The following TMPRSS7 variants were observed in gnomAD, a reference collection of about 807,000 sequenced individuals.
TMPRSS7 encodes the protein transmembrane serine protease 7.
TMPRSS7 carries 81 observed loss-of-function variants against 95.6 expected under a neutral mutation model. The observed-to-expected ratio is 0.85, with a 90% CI of 0.71 to 1.02. The LOEUF (loss-of-function observed/expected upper bound fraction) is 1.02. Ranked by LOEUF, TMPRSS7 falls within the 50% of genes least tolerant of loss-of-function variation. TMPRSS7 has a pLI of 0.00. For missense variants in TMPRSS7, 945 were observed against 955.2 expected (o/e 0.99, Z 0.14); for synonymous variants, 364 against 337.8 (o/e 1.08, Z -0.85).
chr3:112,069,175 A>G (rs1486691623), intron 13 of TMPRSS7, among the ~76,000 whole-genome samples: 1 of 152,194 alleles, frequency 6.6e-6, no homozygotes, highest in African/African-American at 2.4e-5. Flanking sequence ...GATGAAGCCC[A>G]CTTGATCATG....
At chr3:112,051,230 A>G (rs1403659225) in intron 9 of TMPRSS7, among the ~76,000 whole-genome samples, 1 of 152,196 alleles carries the variant, frequency 6.6e-6, no homozygotes, top group Non-Finnish European at 1.5e-5. Context: ...GACACAATAA[A>G]ATACAACAAT....
At chr3:112,063,358 T>C (rs2073536212) in intron 11 of TMPRSS7, among the ~76,000 whole-genome samples, 167 bp from the exon 12 acceptor site, 1 of 152,240 alleles carries the variant, frequency 6.6e-6, no homozygotes, top group South Asian at 2.1e-4. Context: ...TTCCGCTTTT[T>C]TGTCTTTCAA....
At chr3:112,076,818 G>T in intron 15 of TMPRSS7, 58 bp from the exon 16 acceptor site, 1 of 1,572,876 alleles carries the variant, frequency 6.4e-7, no homozygotes, top group Non-Finnish European at 8.6e-7. Flanking sequence ...GTGCTTGTTT[G>T]CAAACTGTAT....
intron 13 of TMPRSS7, among the ~76,000 whole-genome samples, chr3:112,066,849 A>G (rs370519522): frequency 2.0e-5 from 3 of 151,822 alleles, no homozygotes; most frequent in Admixed American, 6.6e-5. Context: ...AAATTATTAT[A>G]CTTTAATTCT....
intron 8 of TMPRSS7, 33 bp downstream of exon 8, chr3:112,050,007 T>C (rs757782782): frequency 3.2e-5 from 48 of 1,512,242 alleles, no homozygotes; most frequent in Non-Finnish European, 4.2e-5. Flanking sequence ...GAAGTCACTT[T>C]TAGAAATATT....
intron 2 of TMPRSS7, among the ~76,000 whole-genome samples, chr3:112,040,683 G>A (rs1349930021): frequency 6.6e-6 from 1 of 152,182 alleles, no homozygotes; most frequent in African/African-American, 2.4e-5. Context: ...TAAAGTTTTA[G>A]AACATCCTTG....
At chr3:112,046,043 A>T in intron 5 of TMPRSS7, 100 bp downstream of exon 5, 1 of 1,027,824 alleles carries the variant, frequency 9.7e-7, no homozygotes, top group East Asian at 2.6e-5. Context: ...ACAATGTGGG[A>T]TTACCCCACA....
At chr3:112,057,872 C>T (rs1034699207) in intron 10 of TMPRSS7, among the ~76,000 whole-genome samples, 15 of 151,992 alleles carry the variant, frequency 9.9e-5, no homozygotes, top group African/African-American at 3.4e-4. Flanking sequence ...ACTACAGGCA[C>T]GCACCACCAT....
chr3:112,064,999 G>A (rs925507894), intron 12 of TMPRSS7, among the ~76,000 whole-genome samples: 1 of 152,136 alleles, frequency 6.6e-6, no homozygotes, highest in Admixed American at 6.5e-5. Context: ...ATATCTAACA[G>A]TGAAAATTAT....
intron 13 of TMPRSS7, among the ~76,000 whole-genome samples, chr3:112,067,060 A>G (rs941070567): frequency 5.3e-5 from 8 of 152,126 alleles, no homozygotes; most frequent in African/African-American, 4.8e-5. Flanking sequence ...ATTCCCACCT[A>G]TAAGTGAGAA....
chr3:112,051,625 CATCTATCTATCTATCT>C (rs10546402), intron 9 of TMPRSS7, among the ~76,000 whole-genome samples: 7 of 142,456 alleles, frequency 4.9e-5, no homozygotes, highest in African/African-American at 1.3e-4. Context: ...CTATCTCTAT[CATCTATCTATCTATCT>C]ATCTATCTAT....
At chr3:112,061,733 A>C in intron 10 of TMPRSS7, 54 bp from the exon 11 acceptor site, 1 of 1,538,702 alleles carries the variant, frequency 6.5e-7, no homozygotes, top group Admixed American at 1.9e-5. Flanking sequence ...ATGAATGGGA[A>C]TTCAGTCGAC....
intron 13 of TMPRSS7, among the ~76,000 whole-genome samples, chr3:112,071,180 G>T (rs537170053): frequency 2.0e-5 from 3 of 152,240 alleles, no homozygotes; most frequent in Non-Finnish European, 4.4e-5. Context: ...GTCTGTAAAG[G>T]ATTTTATTTC....
At chr3:112,067,944 T>A (rs759354490) in intron 13 of TMPRSS7, among the ~76,000 whole-genome samples, 24 of 152,236 alleles carry the variant, frequency 1.6e-4, no homozygotes, top group Non-Finnish European at 3.1e-4. Context: ...GGTTTTCTTC[T>A]AGGGACTTTA....
chr3:112,043,608 G>T (rs961703263), intron 3 of TMPRSS7, among the ~76,000 whole-genome samples: 2 of 152,162 alleles, frequency 1.3e-5, no homozygotes, highest in African/African-American at 4.8e-5. Context: ...TATGTAAGTG[G>T]TTTTCAAATT....
At chr3:112,067,390 T>C (rs113387453) in intron 13 of TMPRSS7, among the ~76,000 whole-genome samples, 3,880 of 152,322 alleles carry the variant, frequency 0.025, 163 homozygotes, top group African/African-American at 0.087. Context: ...TTCTAGATCC[T>C]TGAGGAATTG....
intron 9 of TMPRSS7, among the ~76,000 whole-genome samples, chr3:112,051,848 G>A (rs186847631): frequency 4.6e-5 from 7 of 152,038 alleles, no homozygotes; most frequent in East Asian, 1.9e-4. Context: ...CAGGATATAC[G>A]TATAGACTCA....
rs916145654 is a variant in TMPRSS7 at position 112,038,059 on chromosome 3, CT to C, written c.49-5del. 1.9e-5 allele frequency: 13 copies of C among 700,684 alleles called. No homozygotes were observed. Among genetic ancestry groups the C allele is most frequent in the Non-Finnish European group, 1.0e-5 (4 of 384,180 alleles). The allele number at this position is 700,684 out of a possible 1,614,324, so 43.4% of individuals were successfully genotyped here. On this transcript the variant is annotated splice_polypyrimidine_tract_variant and intron_variant, in intron 1 of 17. Coordinates refer to ENST00000452346, the Ensembl canonical transcript of TMPRSS7. ...TTCTACTTGGTAACATATCTTATTT[CT>C]TTTTTTTGAAGATATCCAATATCTC...
At chr3:112,068,326 A>G (rs1446721797) in intron 13 of TMPRSS7, among the ~76,000 whole-genome samples, 1 of 152,186 alleles carries the variant, frequency 6.6e-6, no homozygotes, top group African/African-American at 2.4e-5. Context: ...TTGGTTCCAT[A>G]TGAACTTAAA....
Sources: allele counts gnomAD v4.1 joint callset (sites outside exome capture counted in the v4.1 genomes callset), GRCh38; gene constraint gnomAD v4.1.1; transcripts MANE v1.5; gene names NCBI Gene and HGNC (gene_info 2026-07-23, HGNC 2026-07-21).